ARHGEF10L: variants seen among roughly 807,000 people sequenced by gnomAD.
The protein encoded by ARHGEF10L is rho guanine nucleotide exchange factor 10-like protein.
Under a neutral mutation model 141.2 loss-of-function variants are expected in ARHGEF10L, and 69 were observed. The ratio of observed to expected loss-of-function variants is 0.49; its 90% confidence interval spans 0.40 to 0.60. ARHGEF10L has a LOEUF of 0.60. ARHGEF10L is among the 20% of genes least tolerant of loss of function. The probability of loss-of-function intolerance (pLI) is 0.00; values close to 1 mark genes in which losing one functional copy is unlikely to be tolerated. For missense variants in ARHGEF10L, 1,482 were observed against 1,734.3 expected (o/e 0.85, Z 2.58); for synonymous variants, 711 against 718.5 (o/e 0.99, Z 0.17).
rs2062215627 is a variant in ARHGEF10L, at chr1:17,655,927, T to C, written c.2530T>C (p.Leu844=). ...AGGGGGCCAGGTGGAAATCTTTTCCTTGAACCGGCCCTCGCCCCGCACCGT... is the reference window on the plus strand; with the variant it reads ...AGGGGGCCAGGTGGAAATCTTTTCCCTGAACCGGCCCTCGCCCCGCACCGT... The part of the protein sequence containing the change: ...GAGGQVEIFS[L]NRPSPRTVKS... The change falls in exon 24 of 29, where the codon TTG becomes CTG. Residue 844 remains leucine (L), a synonymous_variant. Transcript: ENST00000361221. 3 of 1,557,822 alleles carry C rather than the reference T, an allele frequency of 1.9e-6. No homozygotes were observed. Among genetic ancestry groups the C allele is most frequent in the Non-Finnish European group, 2.6e-6 (3 of 1,150,642 alleles).
At chr1:17,559,153 TGGG>T (rs1359359933) in intron 1 of ARHGEF10L, among the ~76,000 whole-genome samples, 1 of 152,212 alleles carries the variant, frequency 6.6e-6, no homozygotes, top group Non-Finnish European at 1.5e-5. Flanking sequence ...CTGTGTGTCC[TGGG>T]GCAAGTGTCT....
chr1:17,665,158 G>T (rs2062892825), intron 26 of ARHGEF10L, among the ~76,000 whole-genome samples: 1 of 152,198 alleles, frequency 6.6e-6, no homozygotes, highest in South Asian at 2.1e-4. Context: ...GTCCATCCTG[G>T]GCGGGAGACT....
intron 4 of ARHGEF10L, 80 bp from the exon 5 acceptor site, chr1:17,602,047 C>T: frequency 7.6e-7 from 1 of 1,324,236 alleles, no homozygotes. Context: ...CCATCATGTC[C>T]CGCTGACCAG....
rs995207719 is a variant in ARHGEF10L at position 17,619,015 on chromosome 1, G to A, written c.836-324G>A. ...TAGCCTTCGCCAGGCCAGAGCGGGC[G>A]GGCCTGAGCAGGGACAGTGGCTTCT... On this transcript the variant is annotated intron_variant, in intron 9 of 28. Coordinates refer to ENST00000361221, the MANE Select transcript of ARHGEF10L (RefSeq NM_018125.4). The surrounding 1 kb of genome is among the most constrained non-coding windows in gnomAD (Gnocchi z 5.0). Among the ~76,000 whole-genome samples the A allele has an allele frequency of 2.0e-5, 3 of 152,204 alleles. No homozygotes were observed. The highest frequency in any genetic ancestry group is 2.1e-4 in the South Asian group (1 of 4,834).
intron 26 of ARHGEF10L, among the ~76,000 whole-genome samples, chr1:17,678,798 T>C (rs948131941): frequency 2.0e-5 from 3 of 152,224 alleles, no homozygotes; most frequent in African/African-American, 7.2e-5. Flanking sequence ...AGTGGCACTT[T>C]CTGTATGCCT....
intron 7 of ARHGEF10L, among the ~76,000 whole-genome samples, chr1:17,609,601 T>G (rs142900914): frequency 6.6e-6 from 1 of 152,296 alleles, no homozygotes; most frequent in African/African-American, 2.4e-5. Flanking sequence ...TTTTCAAAGC[T>G]AAACTATCAT....
chr1:17,525,661 A>G, the ARHGEF10L span, among the ~76,000 whole-genome samples: 1 of 152,176 alleles, frequency 6.6e-6, no homozygotes, highest in Admixed American at 6.6e-5. Context: ...TCCTTTCCAA[A>G]TAAATAAATA....
chr1:17,638,424 A>G, intron 19 of ARHGEF10L, 138 bp from the exon 20 acceptor site: 1 of 1,293,418 alleles, frequency 7.7e-7, no homozygotes, highest in South Asian at 1.5e-5. Context: ...GCGTGGGGCT[A>G]AATGTGCAGC....
chr1:17,548,646 C>CTTTT lies in ARHGEF10L; in HGVS notation c.-44+8718_-44+8721dup, dbSNP rs892480738. Among the ~76,000 whole-genome samples, 764 of 88,276 alleles carry CTTTT rather than the reference C, an allele frequency of 8.7e-3. 40 individuals carry two copies. Among genetic ancestry groups the CTTTT allele is most frequent in the African/African-American group, 0.033 (690 of 20,942 alleles). The allele number at this position is 88,276 out of a possible 152,430, so 57.9% of individuals were successfully genotyped here. ...CAAGTACCTTGAGCTCAAAATAATT[C>CTTTT]TTTTTTTTTTTTTTTTTTTTTTTTT... On this transcript the variant is annotated intron_variant, in intron 1 of 28. Coordinates refer to ENST00000361221, the MANE Select transcript of ARHGEF10L (RefSeq NM_018125.4).
chr1:17,686,131 A>T (rs1222554142), intron 26 of ARHGEF10L, among the ~76,000 whole-genome samples: 2 of 140,908 alleles, frequency 1.4e-5, no homozygotes, highest in African/African-American at 2.8e-5. Flanking sequence ...TTTCTGTAGC[A>T]TTCACATTTT....
chr1:17,589,008 G>C (rs1322409452), intron 4 of ARHGEF10L, among the ~76,000 whole-genome samples: 2 of 152,102 alleles, frequency 1.3e-5, no homozygotes, highest in Admixed American at 6.5e-5. Context: ...TATGACAGTT[G>C]CTATTAGGGA....
At chr1:17,572,378 G>A (rs1426186973) in intron 1 of ARHGEF10L, among the ~76,000 whole-genome samples, 1 of 152,202 alleles carries the variant, frequency 6.6e-6, no homozygotes, top group South Asian at 2.1e-4. Flanking sequence ...CCGATGGAGA[G>A]CGTGGTGCGG....
chr1:17,585,652 G>A (rs1040954714), intron 2 of ARHGEF10L, among the ~76,000 whole-genome samples: 1 of 152,140 alleles, frequency 6.6e-6, no homozygotes, highest in Non-Finnish European at 1.5e-5. Flanking sequence ...TCTTACATCT[G>A]CCCCCAAAAT....
chr1:17,696,177 C>G (rs2065482087), intron 28 of ARHGEF10L, among the ~76,000 whole-genome samples: 1 of 149,518 alleles, frequency 6.7e-6, no homozygotes, highest in African/African-American at 2.5e-5. Flanking sequence ...TGCGCCATTG[C>G]ACTCCAGCCT....
intron 1 of ARHGEF10L, among the ~76,000 whole-genome samples, chr1:17,551,118 C>T (rs555501390): frequency 1.1e-4 from 16 of 152,178 alleles, no homozygotes; most frequent in Admixed American, 2.6e-4. Flanking sequence ...ACGGCATTCC[C>T]GTGTTGCAGA....
At chr1:17,675,771 G>A (rs1416732753) in intron 26 of ARHGEF10L, among the ~76,000 whole-genome samples, 1 of 143,382 alleles carries the variant, frequency 7.0e-6, no homozygotes. Flanking sequence ...CATGAGTGCA[G>A]GTATGGGTGC....
At chr1:17,550,364 C>T (rs74227539) in intron 1 of ARHGEF10L, among the ~76,000 whole-genome samples, 5,226 of 150,010 alleles carry the variant, frequency 0.035, 126 homozygotes, top group Middle Eastern at 0.099. Context: ...GGGGGTAGGC[C>T]GGGCACAGTG....
In ARHGEF10L at chr1:17,595,536, C is replaced by T. The variant is rs892729459; in HGVS notation, c.258-6591C>T. On this transcript the variant is annotated intron_variant, in intron 4 of 28. Coordinates refer to ENST00000361221, the MANE Select transcript of ARHGEF10L (RefSeq NM_018125.4). ...CTGTGATATGATGCCACCTGAGGGC[C>T]GCTCTGAGACTTCCCCTGGGGGGCT... Among the ~76,000 whole-genome samples, 8 of 152,292 alleles carry T rather than the reference C, an allele frequency of 5.3e-5. No homozygotes were observed. The East Asian group carries it at 7.7e-4, about 15-fold the overall frequency.
intron 4 of ARHGEF10L, among the ~76,000 whole-genome samples, chr1:17,593,925 G>A (rs573782079): frequency 2.7e-4 from 41 of 151,028 alleles, no homozygotes; most frequent in Admixed American, 1.7e-3. Context: ...AAAGCCTCAG[G>A]CCAGGGGCTC....
Sources: allele counts gnomAD v4.1 joint callset (sites outside exome capture counted in the v4.1 genomes callset), GRCh38; gene constraint gnomAD v4.1.1; non-coding constraint Gnocchi (gnomAD v3.1); transcripts MANE v1.5; gene names NCBI Gene and HGNC (gene_info 2026-07-23, HGNC 2026-07-21).